VPS54: variants seen among roughly 807,000 people sequenced by gnomAD.
VPS54 encodes vacuolar protein sorting-associated protein 54.
VPS54 carries 45 observed loss-of-function variants against 121.5 expected under a neutral mutation model. The observed-to-expected ratio is 0.37, with a 90% CI of 0.29 to 0.47. VPS54 has a LOEUF of 0.47. VPS54 is among the 20% of genes least tolerant of loss of function. VPS54 has a pLI of 0.99. For missense variants in VPS54, 1,090 were observed against 1,131.4 expected, an observed-to-expected ratio of 0.96 and a Z score of 0.52; for synonymous variants, 371 against 385.8, an observed-to-expected ratio of 0.96 and a Z score of 0.45.
intron 4 of VPS54, among the ~76,000 whole-genome samples, chr2:63,970,208 T>C (rs1418224545): frequency 0.012 from 1,170 of 97,668 alleles, 21 homozygotes; most frequent in Non-Finnish European, 0.015. Flanking sequence ...AAAAAATATA[T>C]ATATACACAC....
intron 12 of VPS54, among the ~76,000 whole-genome samples, chr2:63,927,482 T>C (rs1673963800): frequency 6.6e-6 from 1 of 151,884 alleles, no homozygotes; most frequent in Admixed American, 6.6e-5. Context: ...AAAAAGAACA[T>C]CCACACCAAA....
chr2:63,971,162 A>G (rs1393053188), intron 4 of VPS54, among the ~76,000 whole-genome samples: 1 of 152,128 alleles, frequency 6.6e-6, no homozygotes, highest in African/African-American at 2.4e-5. Context: ...CTGTGTCTCA[A>G]TCTCTGAGTT....
intron 20 of VPS54, 91 bp downstream of exon 20, chr2:63,912,254 C>T: frequency 8.6e-7 from 1 of 1,156,538 alleles, no homozygotes; most frequent in Non-Finnish European, 1.2e-6. Flanking sequence ...TTTAGATTAT[C>T]TTTTCACATC....
intron 3 of VPS54, among the ~76,000 whole-genome samples, chr2:63,978,926 T>C (rs1341082564): frequency 2.0e-5 from 3 of 152,138 alleles, no homozygotes; most frequent in African/African-American, 7.2e-5. Context: ...AGCCAGATTA[T>C]CTATTTTTTC....
At chr2:63,935,773 A>C (rs973775518) in intron 11 of VPS54, among the ~76,000 whole-genome samples, 3 of 152,210 alleles carry the variant, frequency 2.0e-5, no homozygotes, top group African/African-American at 7.2e-5. Flanking sequence ...TCCTGATCAC[A>C]GTGACTGGAC....
In VPS54 at chr2:63,933,934, G is replaced by A. The variant is rs1217372237; in HGVS notation, c.1478C>T (p.Ser493Leu). 6.2e-7 allele frequency: 1 copy of A among 1,613,612 alleles called. No homozygotes were observed. The highest frequency in any genetic ancestry group is 1.7e-5 in the Admixed American group (1 of 59,910). Residue 493 changes from serine to leucine, a missense_variant, in exon 12 of 23, where the codon TCA becomes TTA. By Grantham distance (145) the Ser-to-Leu change is moderately radical. Around this residue, in one of 2 missense-constraint regions of VPS54, gnomAD observed 801 missense variants for 757.0 expected, o/e 1.06. Transcript: ENST00000272322. ...ATCTTTTGCAGCATTCTTCTGTTGTGAAATCTCTTCCAATTCTCTAGTCCT... is the reference window on the plus strand; with the variant it reads ...ATCTTTTGCAGCATTCTTCTGTTGTAAAATCTCTTCCAATTCTCTAGTCCT... ...NQRTRELEEI[S>L]QQKNAAKDNS...
At chr2:63,900,263 G>A (rs114962417) in intron 20 of VPS54, among the ~76,000 whole-genome samples, 95 of 147,520 alleles carry the variant, frequency 6.4e-4, no homozygotes, top group African/African-American at 2.1e-3. Context: ...CAGTATGATC[G>A]TATCTGAAAT....
chr2:64,001,095 C>G (rs958128692), intron 1 of VPS54, among the ~76,000 whole-genome samples: 3 of 152,192 alleles, frequency 2.0e-5, no homozygotes, highest in African/African-American at 7.2e-5. Context: ...TCATGAGACA[C>G]GGTCATTCCC....
intron 20 of VPS54, among the ~76,000 whole-genome samples, chr2:63,907,998 C>T (rs557697851): frequency 1.3e-5 from 2 of 152,192 alleles, no homozygotes; most frequent in Admixed American, 6.5e-5. Context: ...AAAAATTTTG[C>T]AGTTTCTTAT....
At chr2:63,971,047 C>G (rs951760602) in intron 4 of VPS54, among the ~76,000 whole-genome samples, 1 of 152,074 alleles carries the variant, frequency 6.6e-6, no homozygotes, top group African/African-American at 2.4e-5. Flanking sequence ...CCTATATTGC[C>G]TCTCTCACTG....
intron 6 of VPS54, 41 bp downstream of exon 6, chr2:63,965,794 T>C (rs1423106790): frequency 1.2e-6 from 2 of 1,603,768 alleles, no homozygotes; most frequent in Non-Finnish European, 1.7e-6. Flanking sequence ...ACCGCTTAAC[T>C]AGAATAGTTT....
intron 10 of VPS54, 35 bp from the exon 11 acceptor site, chr2:63,942,596 G>A (rs2104510950): frequency 6.7e-7 from 1 of 1,500,500 alleles, no homozygotes; most frequent in East Asian, 2.5e-5. Flanking sequence ...AATAATGATT[G>A]TCTCTGGGCC....
At position 63,918,141 on chromosome 2, in the gene VPS54, T is replaced by C. The variant is rs1323034808; in HGVS notation, c.2165-1178A>G. Reference sequence around the variant, plus strand: ...AAATGTTAATGGACTTCTAATAGCATACACCTATGCTATTCAGAGAGGAAA... The same window carrying C: ...AAATGTTAATGGACTTCTAATAGCACACACCTATGCTATTCAGAGAGGAAA... On this transcript the variant is annotated intron_variant, in intron 15 of 22. Transcript: ENST00000272322. 2.0e-5 allele frequency among the ~76,000 whole-genome samples: 3 copies of C among 151,984 alleles called. No individual in the cohort carries two copies. The South Asian group carries it at 6.2e-4, about 31-fold the overall frequency.
intron 20 of VPS54, among the ~76,000 whole-genome samples, chr2:63,904,149 G>C (rs1672804660): frequency 6.6e-6 from 1 of 152,034 alleles, no homozygotes; most frequent in South Asian, 2.1e-4. Flanking sequence ...CCATAAAAAG[G>C]ATATCACAGG....
At chr2:63,923,256 C>A (rs530171453) in intron 12 of VPS54, among the ~76,000 whole-genome samples, 22 of 151,010 alleles carry the variant, frequency 1.5e-4, no homozygotes, top group African/African-American at 5.4e-4. Context: ...GCAGAGCTTG[C>A]AGTGAGCCGA....
At chr2:64,006,472 C>T (rs1478875543) in intron 1 of VPS54, among the ~76,000 whole-genome samples, 2 of 152,198 alleles carry the variant, frequency 1.3e-5, no homozygotes, top group African/African-American at 2.4e-5. Flanking sequence ...TCTTACCTTC[C>T]TAAGTCTGTT....
chr2:63,983,243 T>C (rs1278928794), intron 2 of VPS54, among the ~76,000 whole-genome samples: 3 of 151,738 alleles, frequency 2.0e-5, no homozygotes, highest in Non-Finnish European at 4.4e-5. Context: ...GTGATTCTCC[T>C]GCCTCAGCCT....
intron 1 of VPS54, among the ~76,000 whole-genome samples, chr2:64,007,478 T>G (rs115653171): frequency 0.012 from 1,870 of 152,310 alleles, 17 homozygotes; most frequent in Non-Finnish European, 0.015. Flanking sequence ...TTCTACAAGG[T>G]GTCTTTTTGC....
chr2:63,995,415 T>C (rs1677533475), intron 1 of VPS54, among the ~76,000 whole-genome samples: 1 of 152,254 alleles, frequency 6.6e-6, no homozygotes, highest in Non-Finnish European at 1.5e-5. Flanking sequence ...ACCTTGGGAA[T>C]CCTCCCCCTC....
Sources: gnomAD v4.1 joint callset for allele counts (sites outside exome capture counted in the v4.1 genomes callset) on GRCh38, gnomAD v4.1.1 for gene constraint, gnomAD v4.1.1 regional missense constraint, MANE v1.5 for transcripts, NCBI Gene and HGNC (gene_info 2026-07-23, HGNC 2026-07-21) for gene names.